The following NR4A2 variants were observed in gnomAD, a reference collection of about 807,000 sequenced individuals.
NR4A2 encodes NGFI-B/nur77 beta-type transcription factor homolog.
A neutral mutation model predicts 50.5 loss-of-function variants in NR4A2; 1 was observed. The observed-to-expected ratio is 0.02, with a 90% CI of 0.01 to 0.09. The LOEUF (loss-of-function observed/expected upper bound fraction) is 0.09. NR4A2 is among the 10% of genes least tolerant of loss of function. The pLI, the probability that NR4A2 is intolerant of heterozygous loss-of-function variation, is 1.00. For missense variants in NR4A2, 613 were observed against 777.3 expected (o/e 0.79, Z 2.51); for synonymous variants, 328 against 309.4 (o/e 1.06, Z -0.63).
chr2:156,332,145 G>A (rs1686959011), intron 1 of NR4A2, among the ~76,000 whole-genome samples: 1 of 152,134 alleles, frequency 6.6e-6, no homozygotes, highest in Non-Finnish European at 1.5e-5. Flanking sequence ...GTGTTCACAG[G>A]CCACAATCAA....
chr2:156,328,125 AG>A lies in NR4A2; in HGVS notation c.995-112del. ...CGCGGGGCACCAGGCTGAGCGGCTG[AG>A]GGCCCCAGTGCTTGTAAAGCCTTCA... is the stretch of plus-strand genomic sequence containing the variant. On this transcript the variant is annotated intron_variant, in intron 4 of 7. Coordinates refer to ENST00000339562, the MANE Select transcript of NR4A2 (RefSeq NM_006186.4). The surrounding 1 kb of genome is among the most constrained non-coding windows in gnomAD (Gnocchi z 4.9). 1 of 1,410,864 alleles carries A rather than the reference AG, an allele frequency of 7.1e-7. No individual in the cohort carries two copies. The highest frequency in any genetic ancestry group is 2.5e-5 in the East Asian group (1 of 40,310). 87.4% of individuals were successfully genotyped at this position (1,410,864 alleles called of 1,614,324 possible). A position where few individuals can be genotyped will look rare whatever the true frequency, so the allele number is the denominator to read the frequency against.
rs906254180 is a variant in NR4A2 at position 156,326,843 on chromosome 2, G to T, written c.1236C>A (p.Gly412=). Residue 412 remains glycine (G), a synonymous_variant, in exon 6 of 8, where the codon GGC becomes GGA. Coordinates refer to ENST00000339562, the MANE Select transcript of NR4A2 (RefSeq NM_006186.4). This position sits in a 1 kb window ranked among gnomAD's most constrained non-coding sequence, Gnocchi z 4.2. ...CCCAGCCCCGGATGATCTCCATGGA[G>T]CCAGTCAGGAGATCATAGAATTGCT... is the stretch of plus-strand genomic sequence containing the variant. ...HIQQFYDLLT[G]SMEIIRGWAE... 1 of 1,614,246 alleles carries T rather than the reference G, an allele frequency of 6.2e-7. No individual in the cohort carries two copies. The highest frequency in any genetic ancestry group is 8.5e-7 in the Non-Finnish European group (1 of 1,180,046).
Position 156,326,138 on chromosome 2 carries a change from T to C in NR4A2, c.1540+12A>G. 6.2e-7 allele frequency: 1 copy of C among 1,614,184 alleles called. No homozygotes were observed. The highest frequency in any genetic ancestry group is 8.5e-7 in the Non-Finnish European group (1 of 1,180,004). On this transcript the variant is annotated intron_variant, in intron 7 of 7. Coordinates refer to ENST00000339562, the MANE Select transcript of NR4A2 (RefSeq NM_006186.4). This position sits in a 1 kb window ranked among gnomAD's most constrained non-coding sequence, Gnocchi z 4.2. Reference sequence around the variant, plus strand: ...TTCTGGAGGGGAAGCGCCCTGCGCCTGCAGTACTGACCTGTGACCATAGCC... The same window carrying C: ...TTCTGGAGGGGAAGCGCCCTGCGCCCGCAGTACTGACCTGTGACCATAGCC...
At position 156,329,474 on chromosome 2, in the gene NR4A2, C is replaced by A; in HGVS notation, c.713G>T (p.Gly238Val). 6.2e-7 allele frequency: 1 copy of A among 1,606,852 alleles called. No individual in the cohort carries two copies. Among genetic ancestry groups the A allele is most frequent in the East Asian group, 2.2e-5 (1 of 44,790 alleles). ...CGTGTCGAGCAGCTGAGACGCGTGG[C>A]CGATCTGCAGGCCCGGGAAGCCCAT... ...ASMGFPGLQI[G>V]HASQLLDTQV... Residue 238 changes from glycine (G) to valine (V), a missense_variant, in exon 3 of 8, where the codon GGC becomes GTC. This residue lies in a region of NR4A2 where 275 missense variants were observed against 248.9 expected (regional missense o/e 1.10). Coordinates refer to ENST00000339562, the MANE Select transcript of NR4A2 (RefSeq NM_006186.4). This position sits in a 1 kb window ranked among gnomAD's most constrained non-coding sequence, Gnocchi z 7.5.
chr2:156,328,614 G>A lies in NR4A2; in HGVS notation c.865-81C>T. 11 of 1,559,188 alleles carry A rather than the reference G, an allele frequency of 7.1e-6. No homozygotes were observed. Among genetic ancestry groups the A allele is most frequent in the Non-Finnish European group, 9.7e-6 (11 of 1,132,504 alleles). On this transcript the variant is annotated intron_variant, in intron 3 of 7. Transcript: ENST00000339562. The surrounding 1 kb of genome is among the most constrained non-coding windows in gnomAD (Gnocchi z 4.9). ...AACTCGGAGAAAATTTCTGTTATGTGACTGGGGTCTACGATTCCTCCCCAC... is the reference window on the plus strand; with the variant it reads ...AACTCGGAGAAAATTTCTGTTATGTAACTGGGGTCTACGATTCCTCCCCAC...
rs569649814 is a variant in NR4A2 at position 156,329,642 on chromosome 2, G to T, written c.545C>A (p.Pro182His). The T allele has an allele frequency of 1.2e-6, 2 of 1,613,822 alleles. No individual in the cohort carries two copies. The highest frequency in any genetic ancestry group is 1.3e-5 in the African/African-American group (1 of 75,054). The change falls in exon 3 of 8, where the codon CCC becomes CAC. Residue 182 changes from proline to histidine, a missense_variant. This residue lies in a region of NR4A2 where 275 missense variants were observed against 248.9 expected (regional missense o/e 1.10). Transcript: ENST00000339562. This position sits in a 1 kb window ranked among gnomAD's most constrained non-coding sequence, Gnocchi z 7.5. The stretch of plus-strand genomic sequence containing the variant: ...GCAACTAGACACCGGGGTGCCAGGG[G>T]GCGATTGCTTAAAGGAGAAGAGGGA... ...RLSLFSFKQS[P>H]PGTPVSSCQM...
intron 2 of NR4A2, 95 bp downstream of exon 2, chr2:156,330,573 T>C: frequency 2.3e-6 from 3 of 1,324,466 alleles, no homozygotes; most frequent in Non-Finnish European, 2.0e-6. Flanking sequence ...AGGCGATGGG[T>C]CGGGCAAACC....
Position 156,328,311 on chromosome 2 carries a change from C to T in NR4A2, c.994+93G>A, listed in dbSNP as rs1686749898. On this transcript the variant is annotated intron_variant, in intron 4 of 7. Transcript: ENST00000339562. This position sits in a 1 kb window ranked among gnomAD's most constrained non-coding sequence, Gnocchi z 4.9. ...GCCATACTGAGGGGGAGTCGGAGAT[C>T]CCCAGCACCGGGAAGTGGAACGTGA... The T allele has an allele frequency of 6.3e-7, 1 of 1,596,318 alleles. No individual in the cohort carries two copies. The highest frequency in any genetic ancestry group is 8.6e-7 in the Non-Finnish European group (1 of 1,165,422).
Position 156,328,561 on chromosome 2 carries a change from A to G in NR4A2, c.865-28T>C. On this transcript the variant is annotated intron_variant, in intron 3 of 7. Coordinates refer to ENST00000339562, the MANE Select transcript of NR4A2 (RefSeq NM_006186.4). The surrounding 1 kb of genome is among the most constrained non-coding windows in gnomAD (Gnocchi z 4.9). ...GCAAAAGGAGACAATATAGACCAAC[A>G]TTTTTTTTCTTCTTTTGAAAATCAG... 1.2e-6 allele frequency: 2 copies of G among 1,613,568 alleles called. No homozygotes were observed. The highest frequency in any genetic ancestry group is 2.2e-5 in the South Asian group (2 of 91,070).
At chr2:156,327,704 T>C in intron 5 of NR4A2, 147 bp downstream of exon 5, 1 of 951,928 alleles carries the variant, frequency 1.1e-6, no homozygotes, top group Non-Finnish European at 1.6e-6. Context: ...ATCTGAATCT[T>C]GAGGCCCTGG....
At position 156,329,283 on chromosome 2, in the gene NR4A2, G is replaced by T; in HGVS notation, c.864+40C>A. On this transcript the variant is annotated intron_variant, in intron 3 of 7. Coordinates refer to ENST00000339562, the MANE Select transcript of NR4A2 (RefSeq NM_006186.4). The surrounding 1 kb of genome is among the most constrained non-coding windows in gnomAD (Gnocchi z 7.5). ...CACACTCCGAGGTCCCGGGCACTAG[G>T]GGCTCCCTACCTGCCTACTCCGCTC... is the stretch of plus-strand genomic sequence containing the variant. 6.3e-7 allele frequency: 1 copy of T among 1,592,914 alleles called. No individual in the cohort carries two copies. The highest frequency in any genetic ancestry group is 2.3e-5 in the East Asian group (1 of 44,216).
chr2:156,325,018 T>C lies in NR4A2; in HGVS notation c.*726A>G, dbSNP rs1686576561. The C allele has an allele frequency of 6.5e-6, 1 of 152,850 alleles. No individual in the cohort carries two copies. Among genetic ancestry groups the C allele is most frequent in the East Asian group, 1.9e-4 (1 of 5,210 alleles). The allele number at this position is 152,850 out of a possible 1,614,324, so 9.5% of individuals were successfully genotyped here. A position where few individuals can be genotyped will look rare whatever the true frequency, so the allele number is the denominator to read the frequency against. On this transcript the variant is annotated 3_prime_UTR_variant, in exon 8 of 8. Transcript: ENST00000339562. The stretch of plus-strand genomic sequence containing the variant: ...ACTATTTATATAATATAGACATTAC[T>C]GAAGTAGCAAGTGCCTATAACATTT...
At position 156,329,435 on chromosome 2, in the gene NR4A2, G is replaced by A. The variant is rs1431470780; in HGVS notation, c.752C>T (p.Pro251Leu). 1.2e-5 allele frequency: 20 copies of A among 1,608,830 alleles called. No individual in the cohort carries two copies. Among genetic ancestry groups the A allele is most frequent in the Non-Finnish European group, 1.7e-5 (20 of 1,179,220 alleles). ...SQLLDTQVPS[P>L]PSRGSPSNEG... ...GTTGGAGGGGGAGCCCCGCGACGGC[G>A]GTGAGGGCACCTGCGTGTCGAGCAG... Residue 251 changes from proline (P) to leucine (L), a missense_variant, in exon 3 of 8, where the codon CCG becomes CTG. Transcript: ENST00000339562. The surrounding 1 kb of genome is among the most constrained non-coding windows in gnomAD (Gnocchi z 7.5).
chr2:156,332,191 C>T (rs1423239823), intron 1 of NR4A2, among the ~76,000 whole-genome samples: 1 of 152,188 alleles, frequency 6.6e-6, no homozygotes, highest in Admixed American at 6.5e-5. Flanking sequence ...CACATTTCCG[C>T]GGGCTAGTCC....
rs1363798011 is a variant in NR4A2 at position 156,324,557 on chromosome 2, T to C, written c.*1187A>G. On this transcript the variant is annotated 3_prime_UTR_variant, in exon 8 of 8. Transcript: ENST00000339562. Reference sequence around the variant, plus strand: ...CCATAGAAAAAAAGGCAGTGACTCATATCATGTGCCATACTAGAAATATAC... The same window carrying C: ...CCATAGAAAAAAAGGCAGTGACTCACATCATGTGCCATACTAGAAATATAC... 1 of 152,650 alleles carries C rather than the reference T, an allele frequency of 6.6e-6. No homozygotes were observed. Among genetic ancestry groups the C allele is most frequent in the Non-Finnish European group, 1.5e-5 (1 of 68,040 alleles). 9.5% of individuals were successfully genotyped at this position (152,650 alleles called of 1,614,324 possible).
chr2:156,328,525 C>T lies in NR4A2; in HGVS notation c.873G>A (p.Val291=), dbSNP rs369100519. The change falls in exon 4 of 8, where the codon GTG becomes GTA. Residue 291 remains valine (V), a synonymous_variant. Transcript: ENST00000339562. The surrounding 1 kb of genome is among the most constrained non-coding windows in gnomAD (Gnocchi z 4.9). The part of the protein sequence containing the change: ...EGCKGFFKRT[V]QKNAKYVCLA... ...AACACACGTATTTTGCATTTTTTTG[C>T]ACTGTGCGCTGCAAAAGGAGACAAT... 20 of 1,614,038 alleles carry T rather than the reference C, an allele frequency of 1.2e-5. No homozygotes were observed. In the African/African-American group the frequency reaches 2.3e-4, roughly 18 times the overall value.
At chr2:156,331,827 G>C (rs1001292862) in intron 1 of NR4A2, 2 of 152,268 alleles carry the variant, frequency 1.3e-5, no homozygotes, top group Non-Finnish European at 2.9e-5. Flanking sequence ...AGCCCTTAGA[G>C]ATATTCCTGT....
intron 1 of NR4A2, 64 bp downstream of exon 1, chr2:156,332,416 A>G (rs1686974126): frequency 1.6e-6 from 2 of 1,228,900 alleles, no homozygotes; most frequent in Admixed American, 2.3e-5. Context: ...AGTGGAAAGA[A>G]GAGACGTGCA....
In NR4A2 at chr2:156,324,535, T is replaced by G. The variant is rs1334045277; in HGVS notation, c.*1209A>C. The stretch of plus-strand genomic sequence containing the variant: ...CAGCATCTCTAACTGTCATACACCA[T>G]AGAAAAAAAGGCAGTGACTCATATC... On this transcript the variant is annotated 3_prime_UTR_variant, in exon 8 of 8. Coordinates refer to ENST00000339562, the MANE Select transcript of NR4A2 (RefSeq NM_006186.4). 6.6e-6 allele frequency: 1 copy of G among 152,538 alleles called. No individual in the cohort carries two copies. The highest frequency in any genetic ancestry group is 2.4e-5 in the African/African-American group (1 of 41,424). 9.4% of individuals were successfully genotyped at this position (152,538 alleles called of 1,614,324 possible).
Sources: allele counts gnomAD v4.1 joint callset (sites outside exome capture counted in the v4.1 genomes callset), GRCh38; gene constraint gnomAD v4.1.1; regional missense constraint gnomAD v4.1.1; non-coding constraint Gnocchi (gnomAD v3.1); transcripts MANE v1.5; gene names NCBI Gene and HGNC (gene_info 2026-07-23, HGNC 2026-07-21).